Variants in SPSB4 observed in about 807,000 individuals in gnomAD.
SPSB4 encodes splA/ryanodine receptor domain and SOCS box containing 4.
Under a neutral mutation model 20.9 loss-of-function variants are expected in SPSB4, and 21 were observed. The observed-to-expected ratio is 1.01, with a 90% CI of 0.71 to 1.45. The LOEUF (loss-of-function observed/expected upper bound fraction) is 1.45, where lower values mean the gene tolerates loss of function less well. Ranked by LOEUF, SPSB4 falls within the 40% of genes most tolerant of loss-of-function variation. SPSB4 has a pLI of 0.00. For synonymous variants in SPSB4, 207 were observed against 183.8 expected, an observed-to-expected ratio of 1.13 and a Z score of -1.02; for missense variants, 399 against 399.2, an observed-to-expected ratio of 1.00 and a Z score of 0.00.
At chr3:141,135,010 A>C (rs1939202146) in intron 2 of SPSB4, among the ~76,000 whole-genome samples, 2 of 151,992 alleles carry the variant, frequency 1.3e-5, no homozygotes, top group African/African-American at 4.8e-5. Flanking sequence ...CACCACTCAG[A>C]TCAATACATA....
chr3:141,062,593 G>A (rs1937786624), intron 1 of SPSB4, among the ~76,000 whole-genome samples: 1 of 152,058 alleles, frequency 6.6e-6, no homozygotes, highest in Non-Finnish European at 1.5e-5. Flanking sequence ...TGTTATTGTT[G>A]TATTCCAGAT....
intron 2 of SPSB4, among the ~76,000 whole-genome samples, chr3:141,125,636 G>T (rs1330031823): frequency 2.6e-5 from 4 of 152,170 alleles, no homozygotes; most frequent in Non-Finnish European, 4.4e-5. Context: ...TCAGGCATGG[G>T]CCCAAGGTTC....
rs1237241712 is a variant in SPSB4 at position 141,066,335 on chromosome 3, G to T, written c.231G>T (p.Arg77=). ...VKDDDRLTFH[R]HPVAQSTDGI... ...ACGACGACCGGCTCACCTTCCACCG[G>T]CACCCCGTGGCCCAGAGCACCGACG... Residue 77 remains arginine (R), a synonymous_variant, in exon 2 of 3, where the codon CGG becomes CGT. Transcript: ENST00000310546. 6.4e-7 allele frequency: 1 copy of T among 1,564,152 alleles called. No homozygotes were observed. Among genetic ancestry groups the T allele is most frequent in the Non-Finnish European group, 8.6e-7 (1 of 1,156,534 alleles).
intron 2 of SPSB4, among the ~76,000 whole-genome samples, chr3:141,111,354 CTTTTT>C (rs34223433): frequency 3.2e-5 from 2 of 61,810 alleles, no homozygotes; most frequent in Non-Finnish European, 5.5e-5. Flanking sequence ...CTGGAACTTG[CTTTTT>C]TTTTTTTTTT....
chr3:141,110,917 G>A (rs56288711), intron 2 of SPSB4, among the ~76,000 whole-genome samples: 11,809 of 152,208 alleles, frequency 0.078, 459 homozygotes, highest in South Asian at 0.15. Flanking sequence ...CAGATCCCAC[G>A]GCTCCAAAGT....
At chr3:141,078,736 G>A (rs906460934) in intron 2 of SPSB4, among the ~76,000 whole-genome samples, 6 of 152,198 alleles carry the variant, frequency 3.9e-5, no homozygotes, top group African/African-American at 1.2e-4. Context: ...TAAGCGCCAA[G>A]CACTCTGCCA....
rs140708739 is a variant in SPSB4 at position 141,081,142 on chromosome 3, C to T, written c.694+14344C>T. Reference sequence around the variant, plus strand: ...ACACTGTGGTGCTACATCAGCTCCACATCTGCCCTATCCAATGTGGGAGCC... The same window carrying T: ...ACACTGTGGTGCTACATCAGCTCCATATCTGCCCTATCCAATGTGGGAGCC... On this transcript the variant is annotated intron_variant, in intron 2 of 2. Coordinates refer to ENST00000310546, the MANE Select transcript of SPSB4 (RefSeq NM_080862.3). Among the ~76,000 whole-genome samples the T allele has an allele frequency of 5.4e-3, 828 of 152,360 alleles. 9 individuals are homozygous for T. Among genetic ancestry groups the T allele is most frequent in the African/African-American group, 0.019 (789 of 41,578 alleles).
intron 2 of SPSB4, among the ~76,000 whole-genome samples, chr3:141,086,716 T>C (rs1487533666): frequency 1.3e-5 from 2 of 152,334 alleles, no homozygotes; most frequent in South Asian, 2.1e-4. Context: ...TCCTGACACA[T>C]AGGACATACG....
At chr3:141,121,370 G>A (rs1048505643) in intron 2 of SPSB4, among the ~76,000 whole-genome samples, 2 of 152,154 alleles carry the variant, frequency 1.3e-5, no homozygotes, top group Non-Finnish European at 2.9e-5. Flanking sequence ...CAACCTTGGT[G>A]AATCTGACAG....
chr3:141,073,392 A>T (rs1559841404), intron 2 of SPSB4, among the ~76,000 whole-genome samples: 1 of 152,186 alleles, frequency 6.6e-6, no homozygotes, highest in Non-Finnish European at 1.5e-5. Flanking sequence ...TCTTTTTAAA[A>T]TTTATTAATT....
At chr3:141,123,738 T>A (rs1323423782) in intron 2 of SPSB4, among the ~76,000 whole-genome samples, 2 of 152,244 alleles carry the variant, frequency 1.3e-5, no homozygotes, top group Non-Finnish European at 2.9e-5. Flanking sequence ...GCTGGGTTGT[T>A]CCAGTGCTGC....
At chr3:141,071,889 G>A (rs1319889001) in intron 2 of SPSB4, among the ~76,000 whole-genome samples, 3 of 152,268 alleles carry the variant, frequency 2.0e-5, no homozygotes, top group African/African-American at 4.8e-5. Flanking sequence ...GAGGAGGCTG[G>A]CAGCTAGCCA....
At chr3:141,131,370 T>C (rs1939127409) in intron 2 of SPSB4, among the ~76,000 whole-genome samples, 1 of 152,158 alleles carries the variant, frequency 6.6e-6, no homozygotes, top group Middle Eastern at 3.2e-3. Context: ...TTTTGAAGTA[T>C]AAGATATATG....
intron 2 of SPSB4, among the ~76,000 whole-genome samples, chr3:141,106,838 CA>C (rs1318895299): frequency 6.6e-6 from 1 of 152,194 alleles, no homozygotes; most frequent in East Asian, 1.9e-4. Context: ...AGGATCTAAG[CA>C]GACAGTGTTT....
At chr3:141,054,267 G>A (rs371443318) in intron 1 of SPSB4, among the ~76,000 whole-genome samples, 2 of 152,138 alleles carry the variant, frequency 1.3e-5, no homozygotes, top group Non-Finnish European at 2.9e-5. Flanking sequence ...GAAGGGTCTT[G>A]GGCATGAAAA....
chr3:141,055,077 G>A lies in SPSB4; in HGVS notation c.-154+3085G>A, dbSNP rs536384796. Among the ~76,000 whole-genome samples the A allele has an allele frequency of 1.4e-4, 21 of 152,330 alleles. No individual in the cohort carries two copies. In the South Asian group the frequency reaches 4.4e-3, roughly 32 times the overall value. ...AGGTAACAGGTACAAGGCTGTGTAC[G>A]AGTATTGGAGATAAAGGCTGGTTGG... On this transcript the variant is annotated intron_variant, in intron 1 of 2. Transcript: ENST00000310546.
intron 1 of SPSB4, among the ~76,000 whole-genome samples, chr3:141,058,343 T>C (rs1335514773): frequency 6.6e-6 from 1 of 152,218 alleles, no homozygotes; most frequent in African/African-American, 2.4e-5. Context: ...TTAGAGTTTT[T>C]GTTTTCTTGC....
chr3:141,067,841 G>A (rs1052944335), intron 2 of SPSB4, among the ~76,000 whole-genome samples: 14 of 152,330 alleles, frequency 9.2e-5, no homozygotes, highest in African/African-American at 3.4e-4. Context: ...CTCAGAGGTG[G>A]CGCTGAAAGC....
At chr3:141,059,386 G>A (rs1397017209) in intron 1 of SPSB4, among the ~76,000 whole-genome samples, 1 of 152,006 alleles carries the variant, frequency 6.6e-6, no homozygotes, top group Non-Finnish European at 1.5e-5. Flanking sequence ...TTTACAGGAA[G>A]CACGGTGCTG....
Sources: allele counts gnomAD v4.1 joint callset (sites outside exome capture counted in the v4.1 genomes callset), GRCh38; gene constraint gnomAD v4.1.1; transcripts MANE v1.5; gene names NCBI Gene and HGNC (gene_info 2026-07-23, HGNC 2026-07-21).